The following PYY variants were observed in gnomAD, a reference collection of about 807,000 sequenced individuals.
The protein encoded by PYY is peptide tyrosine tyrosine.
Under a neutral mutation model 10.3 loss-of-function variants are expected in PYY, and 12 were observed. That is an observed-to-expected ratio of 1.17 (90% CI 0.75 to 1.89). PYY has a LOEUF of 1.89. Ranked by LOEUF, PYY falls within the 40% of genes most tolerant of loss-of-function variation. The probability of loss-of-function intolerance (pLI) is 0.00; values close to 1 mark genes in which losing one functional copy is unlikely to be tolerated. For synonymous variants in PYY, 66 were observed against 62.0 expected (o/e 1.06, Z -0.30); for missense variants, 141 against 134.0 (o/e 1.05, Z -0.26).
chr17:43,993,653 G>A (rs2143959639), intron 1 of PYY, among the ~76,000 whole-genome samples: 1 of 151,722 alleles, frequency 6.6e-6, no homozygotes, highest in African/African-American at 2.4e-5. Flanking sequence ...GTGACATACT[G>A]ATAAGTGAAA....
At chr17:43,990,794 G>GTTT (rs747130528) in intron 1 of PYY, among the ~76,000 whole-genome samples, 12 of 123,708 alleles carry the variant, frequency 9.7e-5, no homozygotes, top group Admixed American at 1.7e-4. Context: ...ATTTAATGTT[G>GTTT]TTTTTTTTTT....
rs114571372 is a variant in PYY at position 44,002,109 on chromosome 17, T to C, written c.-463+2282A>G. On this transcript the variant is annotated intron_variant, in intron 1 of 6. Coordinates refer to the PYY transcript ENST00000360085. ...CCACGCCATTGCTTCATGCTTTGCC[T>C]TGGAACCCAAGATTTCTAAGTGGGA... Among the ~76,000 whole-genome samples, 806 of 152,268 alleles carry C rather than the reference T, an allele frequency of 5.3e-3. 8 individuals carry two copies. The highest frequency in any genetic ancestry group is 0.018 in the African/African-American group (761 of 41,536).
At chr17:43,962,999 G>A (rs2048723013) in intron 2 of PYY, among the ~76,000 whole-genome samples, 1 of 152,076 alleles carries the variant, frequency 6.6e-6, no homozygotes, top group Admixed American at 6.5e-5. Context: ...AAGAGATCCA[G>A]ATAAAAAGGG....
intron 1 of PYY, among the ~76,000 whole-genome samples, chr17:43,970,047 T>C (rs1165682293): frequency 1.3e-5 from 2 of 151,516 alleles, no homozygotes; most frequent in Non-Finnish European, 2.9e-5. Flanking sequence ...CAGCCAAAAG[T>C]TTTTTTAATT....
intron 1 of PYY, among the ~76,000 whole-genome samples, chr17:43,995,846 A>C (rs976774708): frequency 6.7e-6 from 1 of 149,014 alleles, no homozygotes; most frequent in African/African-American, 2.5e-5. Flanking sequence ...AAAAAAAAAA[A>C]CGAAAAGAAG....
chr17:43,953,982 A>C (rs2048655007), upstream of PYY: 1 of 154,204 alleles, frequency 6.5e-6, no homozygotes, highest in Admixed American at 6.5e-5. Context: ...CCGCCTGGAA[A>C]GGGAGGGGGA....
At chr17:43,990,893 A>G (rs1268053280) in intron 1 of PYY, among the ~76,000 whole-genome samples, 1 of 148,066 alleles carries the variant, frequency 6.8e-6, no homozygotes, top group Non-Finnish European at 1.5e-5. Context: ...TCCCGGGTTC[A>G]CGCCATTCTC....
intron 1 of PYY, among the ~76,000 whole-genome samples, chr17:43,990,438 CAA>C (rs59522069): frequency 1.1e-3 from 102 of 92,792 alleles, no homozygotes; most frequent in African/African-American, 1.8e-3. Context: ...GACTCCATCT[CAA>C]AAAAAAAAAA....
intron 1 of PYY, among the ~76,000 whole-genome samples, chr17:43,972,190 A>ATTTT (rs1555617853): frequency 4.6e-5 from 4 of 87,420 alleles, no homozygotes; most frequent in African/African-American, 1.2e-4. Context: ...ATTTTATTTT[A>ATTTT]TTTTATTTAT....
At chr17:44,003,500 C>CA (rs1428115701) in intron 1 of PYY, among the ~76,000 whole-genome samples, 1 of 151,544 alleles carries the variant, frequency 6.6e-6, no homozygotes, top group Non-Finnish European at 1.5e-5. Context: ...ACTAAAAATA[C>CA]AAAGATTAGC....
rs367891803 is a variant in PYY, at chr17:43,987,564, G to C, written c.-463+16827C>G. 7.9e-5 allele frequency among the ~76,000 whole-genome samples: 12 copies of C among 152,368 alleles called. 1 individual carries two copies. Among genetic ancestry groups the C allele is most frequent in the African/African-American group, 2.2e-4 (9 of 41,580 alleles). ...TCCCCCATCCAGCAATCTGTCTCCA[G>C]GTCTTGGAGCAGACAGCTCAGAATG... On this transcript the variant is annotated intron_variant, in intron 1 of 6. Transcript: ENST00000360085. This position sits in a 1 kb window ranked among gnomAD's most constrained non-coding sequence, Gnocchi z 4.0.
chr17:43,992,827 C>A (rs2143958115), intron 1 of PYY, among the ~76,000 whole-genome samples: 1 of 152,186 alleles, frequency 6.6e-6, no homozygotes, highest in South Asian at 2.1e-4. Context: ...ACCACAGAAG[C>A]AGATTGGAGT....
intron 2 of PYY, among the ~76,000 whole-genome samples, chr17:43,962,211 A>G: frequency 6.6e-6 from 1 of 152,100 alleles, no homozygotes; most frequent in East Asian, 1.9e-4. Flanking sequence ...CACTCTCAAA[A>G]TGTGCTATTA....
chr17:44,002,311 G>A (rs1473232049), intron 1 of PYY, among the ~76,000 whole-genome samples: 1 of 152,188 alleles, frequency 6.6e-6, no homozygotes, highest in Non-Finnish European at 1.5e-5. Flanking sequence ...CCCAAGCCCT[G>A]CTCCCCAAAA....
chr17:43,979,665 G>T (rs2143936377), intron 1 of PYY, among the ~76,000 whole-genome samples: 1 of 151,610 alleles, frequency 6.6e-6, no homozygotes, highest in African/African-American at 2.4e-5. Context: ...GTGACAGCAA[G>T]ACTCTGTCTC....
chr17:43,960,420 G>A (rs2048703304), intron 2 of PYY, among the ~76,000 whole-genome samples: 1 of 147,944 alleles, frequency 6.8e-6, no homozygotes, highest in African/African-American at 2.5e-5. Context: ...GCAGGTGCCT[G>A]TAATCCCAGC....
chr17:43,976,230 C>CGTATATATACGT (rs1161116111), intron 1 of PYY, among the ~76,000 whole-genome samples: 2 of 136,666 alleles, frequency 1.5e-5, no homozygotes, highest in Non-Finnish European at 3.1e-5. Flanking sequence ...TACATATATA[C>CGTATATATACGT]ATATGCGTAT....
In PYY at chr17:43,952,960, C is replaced by A. The variant is rs201282783; in HGVS notation, c.290G>T (p.Trp97Leu). The A allele has an allele frequency of 1.9e-6, 3 of 1,554,826 alleles. No individual in the cohort carries two copies. The highest frequency in any genetic ancestry group is 2.6e-6 in the Non-Finnish European group (3 of 1,152,346). The change falls in exon 4 of 4, where the codon TGG becomes TTG. Residue 97 changes from tryptophan to leucine, a missense_variant. Coordinates refer to ENST00000692052, the MANE Select transcript of PYY (RefSeq NM_001394028.1). ...VRSRSEGPDL[W>L] Reference sequence around the variant, plus strand: ...CCCAGGAGGCCTCAGGGGTCCTCACCACAGGTCTGGGCCCTCCGACCTGCG... The same window carrying A: ...CCCAGGAGGCCTCAGGGGTCCTCACAACAGGTCTGGGCCCTCCGACCTGCG...
At chr17:43,956,075 G>A (rs767815435), upstream of PYY, among the ~76,000 whole-genome samples, 115 of 152,240 alleles carry the variant, frequency 7.6e-4, no homozygotes, top group African/African-American at 2.7e-3. Flanking sequence ...ACCCTGTCAT[G>A]TCTTGGGGAA....
Sources: allele counts gnomAD v4.1 joint callset (sites outside exome capture counted in the v4.1 genomes callset), GRCh38; gene constraint gnomAD v4.1.1; non-coding constraint Gnocchi (gnomAD v3.1); transcripts MANE v1.5; gene names NCBI Gene and HGNC (gene_info 2026-07-23, HGNC 2026-07-21).